Variants in EPB41L2 observed in about 807,000 individuals in gnomAD.
The protein encoded by EPB41L2 is band 4.1-like protein 2.
In EPB41L2, 43 loss-of-function variants were observed where a neutral mutation model predicts 113.0. The observed-to-expected ratio is 0.38, with a 90% confidence interval of 0.30 to 0.49. EPB41L2 has a LOEUF of 0.49. Among genes scored for constraint, EPB41L2 ranks in the 20% least tolerant of loss-of-function variants. The probability of loss-of-function intolerance (pLI) is 0.95; values close to 1 mark genes in which losing one functional copy is unlikely to be tolerated. For missense variants in EPB41L2, 1,147 were observed against 1,223.4 expected, an observed-to-expected ratio of 0.94 and a Z score of 0.93; for synonymous variants, 442 against 436.7, an observed-to-expected ratio of 1.01 and a Z score of -0.15.
intron 3 of EPB41L2, among the ~76,000 whole-genome samples, chr6:130,927,542 C>T (rs1020860010): frequency 6.6e-6 from 1 of 152,120 alleles, no homozygotes; most frequent in African/African-American, 2.4e-5. Context: ...ATAAAAGCCA[C>T]CAATGCACTG....
rs370503739 is a variant in EPB41L2 at position 130,942,816 on chromosome 6, T to C, written c.705+12289A>G. ...CCTCTCTGTGTCCATGTGTTCTCATTGTTCAACTCCCACTTATGAGTGAGA... is the reference window on the plus strand; with the variant it reads ...CCTCTCTGTGTCCATGTGTTCTCATCGTTCAACTCCCACTTATGAGTGAGA... On this transcript the variant is annotated intron_variant, in intron 3 of 19. Transcript: ENST00000337057. Among the ~76,000 whole-genome samples the C allele has an allele frequency of 2.4e-3, 359 of 152,332 alleles. 2 individuals are homozygous for C. The highest frequency in any genetic ancestry group is 4.2e-3 in the Non-Finnish European group (289 of 68,018).
At chr6:131,053,291 C>A (rs551840001) in intron 1 of EPB41L2, among the ~76,000 whole-genome samples, 1 of 151,328 alleles carries the variant, frequency 6.6e-6, no homozygotes, top group East Asian at 1.9e-4. Flanking sequence ...AGACAAAACA[C>A]CAGAAAATAA....
At chr6:130,922,340 G>A (rs539646948) in intron 4 of EPB41L2, among the ~76,000 whole-genome samples, 1 of 152,296 alleles carries the variant, frequency 6.6e-6, no homozygotes, top group Non-Finnish European at 1.5e-5. Context: ...AGTCTTGCAA[G>A]GTGACTTTCA....
At chr6:130,989,455 G>A (rs1370654005) in intron 1 of EPB41L2, among the ~76,000 whole-genome samples, 41 of 147,728 alleles carry the variant, frequency 2.8e-4, no homozygotes, top group Non-Finnish European at 8.9e-5. Flanking sequence ...GATGTATTAT[G>A]GAATGGGCTG....
chr6:130,980,485 C>T (rs1004557331), intron 1 of EPB41L2, among the ~76,000 whole-genome samples: 1 of 150,260 alleles, frequency 6.7e-6, no homozygotes, highest in African/African-American at 2.5e-5. Flanking sequence ...ATCCTGACCC[C>T]ACAGGCCAAA....
intron 4 of EPB41L2, among the ~76,000 whole-genome samples, chr6:130,916,289 T>C (rs1162490090): frequency 1.3e-5 from 2 of 152,202 alleles, no homozygotes; most frequent in African/African-American, 2.4e-5. Context: ...ATCTCCTTAA[T>C]CTTACTCTTT....
chr6:130,926,744 C>A (rs778263146), intron 3 of EPB41L2, 35 bp from the exon 4 acceptor site: 1 of 1,358,698 alleles, frequency 7.4e-7, no homozygotes. Context: ...TTTTCAAGTA[C>A]TAAAGATTCC....
At chr6:131,041,012 T>C (rs550539024) in intron 1 of EPB41L2, among the ~76,000 whole-genome samples, 2 of 152,320 alleles carry the variant, frequency 1.3e-5, no homozygotes, top group South Asian at 4.1e-4. Flanking sequence ...AGAAGAACTA[T>C]TTTAGATTGT....
chr6:131,019,287 G>GATCTTC (rs1417803484), intron 1 of EPB41L2, among the ~76,000 whole-genome samples: 2 of 152,084 alleles, frequency 1.3e-5, no homozygotes, highest in African/African-American at 4.8e-5. Context: ...ATATGATCTT[G>GATCTTC]ATCTTCTTTA....
chr6:130,870,437 C>T (rs1785269995), intron 14 of EPB41L2: 2 of 1,526,488 alleles, frequency 1.3e-6, no homozygotes, highest in Non-Finnish European at 1.8e-6. Flanking sequence ...ACCTCAACAA[C>T]CACTGAAACA....
In EPB41L2 at chr6:130,856,337, T is replaced by C. The variant is rs552425102; in HGVS notation, c.*5+1794A>G. ...ATATAAAATTGACAAAGGATCAGTA[T>C]GTAGAATCTATCAAGAATCAATTAA... is the stretch of plus-strand genomic sequence containing the variant. On this transcript the variant is annotated intron_variant, in intron 19 of 19. Coordinates refer to ENST00000337057, the MANE Select transcript of EPB41L2 (RefSeq NM_001431.4). 4.1e-4 allele frequency among the ~76,000 whole-genome samples: 63 copies of C among 152,290 alleles called. No homozygotes were observed. The Middle Eastern group carries it at 0.01, about 25-fold the overall frequency.
chr6:130,932,609 T>G (rs989572255), intron 3 of EPB41L2, among the ~76,000 whole-genome samples: 1 of 152,160 alleles, frequency 6.6e-6, no homozygotes, highest in African/African-American at 2.4e-5. Flanking sequence ...TCCTTCCCTA[T>G]GAAGCCTGTT....
intron 1 of EPB41L2, among the ~76,000 whole-genome samples, chr6:131,023,756 G>GAT (rs1379644607): frequency 6.5e-4 from 29 of 44,722 alleles, no homozygotes; most frequent in Middle Eastern, 8.2e-3. Flanking sequence ...TCTATATATA[G>GAT]ATATATAGAT....
rs567872528 is a variant in EPB41L2, at chr6:130,947,025, C to G, written c.705+8080G>C. On this transcript the variant is annotated intron_variant, in intron 3 of 19. Transcript: ENST00000337057. ...TGCACTGAATAAAGAAGACCCCCCCCCCAGCCCCTTAAATTACTGCAGCCA... is the reference window on the plus strand; with the variant it reads ...TGCACTGAATAAAGAAGACCCCCCCGCCAGCCCCTTAAATTACTGCAGCCA... Among the ~76,000 whole-genome samples, 53 of 145,774 alleles carry G rather than the reference C, an allele frequency of 3.6e-4. 2 individuals are homozygous for G. Among genetic ancestry groups the G allele is most frequent in the Admixed American group, 1.9e-3 (28 of 14,714 alleles).
At chr6:130,886,136 G>A (rs896328572) in intron 11 of EPB41L2, among the ~76,000 whole-genome samples, 22 of 152,288 alleles carry the variant, frequency 1.4e-4, no homozygotes, top group East Asian at 3.9e-4. Flanking sequence ...ACACCATGAA[G>A]TTTACTCTGG....
intron 3 of EPB41L2, among the ~76,000 whole-genome samples, chr6:130,948,367 C>T (rs1007418777): frequency 1.3e-5 from 2 of 151,814 alleles, no homozygotes; most frequent in South Asian, 2.1e-4. Flanking sequence ...TTGTATCATT[C>T]CAAAACGAGA....
At chr6:131,016,077 A>C (rs987874761) in intron 1 of EPB41L2, among the ~76,000 whole-genome samples, 1 of 152,226 alleles carries the variant, frequency 6.6e-6, no homozygotes, top group East Asian at 1.9e-4. Flanking sequence ...TGTTCTGTGT[A>C]GCTGCCAATG....
intron 14 of EPB41L2, 85 bp from the exon 15 acceptor site, chr6:130,870,211 T>G: frequency 6.5e-7 from 1 of 1,533,264 alleles, no homozygotes. Context: ...GATGGCAGAT[T>G]CATGTCATGG....
chr6:131,055,096 T>A (rs532316034), intron 1 of EPB41L2, among the ~76,000 whole-genome samples: 23 of 152,318 alleles, frequency 1.5e-4, no homozygotes, highest in Non-Finnish European at 2.4e-4. Flanking sequence ...TGACCCTCAT[T>A]CTTTTGGCCT....
Sources: allele counts gnomAD v4.1 joint callset (sites outside exome capture counted in the v4.1 genomes callset), GRCh38; gene constraint gnomAD v4.1.1; transcripts MANE v1.5; gene names NCBI Gene and HGNC (gene_info 2026-07-23, HGNC 2026-07-21).